SLC36A1: variants seen among roughly 807,000 people sequenced by gnomAD.
The protein encoded by SLC36A1 is solute carrier family 36 member 1.
In SLC36A1, 30 loss-of-function variants were observed where a neutral mutation model predicts 47.5. That is an observed-to-expected ratio of 0.63 (90% CI 0.47 to 0.86). The LOEUF is 0.86. Among genes scored for constraint, SLC36A1 ranks in the 40% least tolerant of loss-of-function variants. SLC36A1 has a pLI of 0.00. For synonymous variants in SLC36A1, 255 were observed against 249.7 expected (o/e 1.02, Z -0.20); for missense variants, 517 against 606.0 (o/e 0.85, Z 1.54).
the SLC36A1 span, chr5:151,382,497 C>G: frequency 3.8e-6 from 2 of 521,496 alleles, no homozygotes; most frequent in South Asian, 6.0e-5. Flanking sequence ...TTTCCCAGAC[C>G]CTGCTTAGGT....
At chr5:151,384,114 T>C in the SLC36A1 span, among the ~76,000 whole-genome samples, 1 of 152,194 alleles carries the variant, frequency 6.6e-6, no homozygotes, top group Non-Finnish European at 1.5e-5. Flanking sequence ...AATGTTTGTA[T>C]CTTCCAAAAA....
the SLC36A1 span, chr5:151,550,649 C>G: frequency 2.5e-6 from 4 of 1,614,092 alleles, no homozygotes; most frequent in Admixed American, 3.3e-5. Context: ...CCCACCGTTA[C>G]CAGGACACCA....
intron 9 of SLC36A1, among the ~76,000 whole-genome samples, chr5:151,478,043 A>G (rs1758315260): frequency 6.6e-6 from 1 of 152,232 alleles, no homozygotes; most frequent in Non-Finnish European, 1.5e-5. Flanking sequence ...TAGAGCCACC[A>G]GATGATTTTT....
the SLC36A1 span, among the ~76,000 whole-genome samples, chr5:151,360,678 T>A: frequency 6.6e-6 from 1 of 152,234 alleles, no homozygotes; most frequent in African/African-American, 2.4e-5. Flanking sequence ...TGTCCTTTGC[T>A]TTAGTTTCAG....
chr5:151,364,134 A>G, the SLC36A1 span, among the ~76,000 whole-genome samples: 2 of 152,216 alleles, frequency 1.3e-5, no homozygotes, highest in African/African-American at 4.8e-5. Flanking sequence ...TAACTTTTAT[A>G]ATAGATTTAT....
the SLC36A1 span, among the ~76,000 whole-genome samples, chr5:151,497,773 G>A: frequency 1.3e-5 from 2 of 152,074 alleles, no homozygotes; most frequent in African/African-American, 2.4e-5. Context: ...CTGCCCACTA[G>A]ATGTCAGTTG....
intron 2 of SLC36A1, among the ~76,000 whole-genome samples, chr5:151,460,525 G>A (rs1755356521): frequency 6.6e-6 from 1 of 152,094 alleles, no homozygotes; most frequent in Non-Finnish European, 1.5e-5. Flanking sequence ...CTGCCTTGAT[G>A]TTGTGATACA....
At chr5:151,501,440 G>T in the SLC36A1 span, among the ~76,000 whole-genome samples, 9 of 148,704 alleles carry the variant, frequency 6.1e-5, 1 homozygote, top group Non-Finnish European at 1.0e-4. Context: ...GCGACTAAGG[G>T]TGCGCTGTGG....
intron 1 of SLC36A1, among the ~76,000 whole-genome samples, chr5:151,455,598 T>G (rs1209027371): frequency 1.3e-5 from 2 of 152,224 alleles, no homozygotes; most frequent in African/African-American, 4.8e-5. Context: ...GGGCAATTAA[T>G]AAGTCCCTGT....
At chr5:151,404,595 G>C in the SLC36A1 span, among the ~76,000 whole-genome samples, 2 of 152,122 alleles carry the variant, frequency 1.3e-5, no homozygotes, top group African/African-American at 2.4e-5. Context: ...TTTCTTTTGA[G>C]GCTGCTCTAG....
chr5:151,537,247 A>G, the SLC36A1 span, among the ~76,000 whole-genome samples: 1 of 150,992 alleles, frequency 6.6e-6, no homozygotes, highest in African/African-American at 2.4e-5. Context: ...AAGAAGAAAA[A>G]GGAGAATAAT....
chr5:151,543,009 C>A, the SLC36A1 span: 1 of 1,614,080 alleles, frequency 6.2e-7, no homozygotes, highest in South Asian at 1.1e-5. Flanking sequence ...TTTCAGACCC[C>A]TCTGGAAGGT....
chr5:151,402,822 C>A, the SLC36A1 span, among the ~76,000 whole-genome samples: 1 of 152,012 alleles, frequency 6.6e-6, no homozygotes, highest in Non-Finnish European at 1.5e-5. Context: ...CTCTGAGGAT[C>A]ATATGTATTT....
chr5:151,537,441 AGGG>A, the SLC36A1 span, among the ~76,000 whole-genome samples: 98 of 22,228 alleles, frequency 4.4e-3, no homozygotes, highest in African/African-American at 0.039. Flanking sequence ...AGGAAAGGAG[AGGG>A]GAGGGGAGGG....
the SLC36A1 span, among the ~76,000 whole-genome samples, chr5:151,529,917 C>A: frequency 6.6e-6 from 1 of 152,218 alleles, no homozygotes; most frequent in Non-Finnish European, 1.5e-5. Context: ...AGGATTTATC[C>A]TGCCTTTCCC....
the SLC36A1 span, among the ~76,000 whole-genome samples, chr5:151,532,848 C>T: frequency 6.6e-5 from 10 of 152,296 alleles, no homozygotes; most frequent in African/African-American, 1.7e-4. Flanking sequence ...CTCCCACACA[C>T]GTGGAACACA....
the SLC36A1 span, among the ~76,000 whole-genome samples, chr5:151,394,451 TGCAC>T: frequency 6.6e-6 from 1 of 152,252 alleles, no homozygotes; most frequent in Admixed American, 6.5e-5. Flanking sequence ...GGCGAGGAGC[TGCAC>T]TCCTTTGGAG....
the SLC36A1 span, among the ~76,000 whole-genome samples, chr5:151,352,015 C>T: frequency 2.0e-5 from 3 of 152,206 alleles, no homozygotes. Context: ...ACACTATGCT[C>T]CAGTCACATG....
the SLC36A1 span, among the ~76,000 whole-genome samples, chr5:151,430,590 C>T: frequency 1.3e-5 from 2 of 152,158 alleles, no homozygotes. Flanking sequence ...TCCCAAAGTG[C>T]TGGGATTACA....
Sources: gnomAD v4.1 joint callset for allele counts (sites outside exome capture counted in the v4.1 genomes callset) on GRCh38, gnomAD v4.1.1 for gene constraint, MANE v1.5 for transcripts, NCBI Gene and HGNC (gene_info 2026-07-23, HGNC 2026-07-21) for gene names.